The following GLIS3 variants were observed in gnomAD, a reference collection of about 807,000 sequenced individuals.
GLIS3 encodes zinc finger protein GLIS3.
A neutral mutation model predicts 78.6 loss-of-function variants in GLIS3; 53 were observed. The observed-to-expected ratio is 0.67, with a 90% CI of 0.54 to 0.85. The LOEUF (loss-of-function observed/expected upper bound fraction) is 0.85. Among genes scored for constraint, GLIS3 ranks in the 40% least tolerant of loss-of-function variants. The pLI is 0.00. For missense variants in GLIS3, 1,703 were observed against 1,231.1 expected (o/e 1.38, Z -5.74); for synonymous variants, 684 against 509.9 (o/e 1.34, Z -4.60).
intron 9 of GLIS3, among the ~76,000 whole-genome samples, chr9:3,851,422 T>G (rs1819425596): frequency 6.6e-6 from 1 of 151,512 alleles, no homozygotes; most frequent in African/African-American, 2.4e-5. Flanking sequence ...ACTACCAAGA[T>G]TCAAACATTA....
chr9:4,097,609 C>T (rs921916046), intron 4 of GLIS3, among the ~76,000 whole-genome samples: 4 of 152,144 alleles, frequency 2.6e-5, no homozygotes, highest in Non-Finnish European at 5.9e-5. Flanking sequence ...TTACCAGCTT[C>T]GCATACTGAC....
intron 4 of GLIS3, among the ~76,000 whole-genome samples, chr9:3,985,852 A>G (rs774922783): frequency 6.6e-6 from 1 of 152,212 alleles, no homozygotes; most frequent in Non-Finnish European, 1.5e-5. Context: ...TACTTTTGTA[A>G]AAGTTACTTT....
intron 9 of GLIS3, among the ~76,000 whole-genome samples, chr9:3,836,750 C>T (rs921587666): frequency 6.6e-6 from 1 of 152,168 alleles, no homozygotes; most frequent in Non-Finnish European, 1.5e-5. Context: ...GACAGCCACA[C>T]CAGGGTTGCT....
chr9:4,324,701 G>T (rs893174504), intron 2 of GLIS3, among the ~76,000 whole-genome samples: 1 of 152,142 alleles, frequency 6.6e-6, no homozygotes, highest in South Asian at 2.1e-4. Context: ...GCAAGGAAGC[G>T]GGAAGCCTGC....
intron 4 of GLIS3, among the ~76,000 whole-genome samples, chr9:3,986,901 G>A (rs1382192507): frequency 2.6e-5 from 4 of 152,324 alleles, no homozygotes; most frequent in Admixed American, 6.5e-5. Context: ...TATGAAATGT[G>A]CAGGATATAA....
intron 4 of GLIS3, among the ~76,000 whole-genome samples, chr9:3,989,964 T>G (rs1330424902): frequency 6.6e-6 from 1 of 152,232 alleles, no homozygotes; most frequent in Non-Finnish European, 1.5e-5. Context: ...TGCAGAGTTT[T>G]GCAAAATACT....
At chr9:4,142,636 C>T (rs760217010) in intron 2 of GLIS3, among the ~76,000 whole-genome samples, 20 of 152,112 alleles carry the variant, frequency 1.3e-4, no homozygotes, top group Non-Finnish European at 2.5e-4. Flanking sequence ...GAAACAAATC[C>T]AGTTTGAAAT....
chr9:4,235,693 G>A (rs1309018278), intron 2 of GLIS3, among the ~76,000 whole-genome samples: 3 of 151,990 alleles, frequency 2.0e-5, no homozygotes, highest in Middle Eastern at 6.8e-3. Flanking sequence ...CTCCATCGGG[G>A]CACTGAAGTA....
the GLIS3 span, among the ~76,000 whole-genome samples, chr9:4,407,289 A>T: frequency 6.6e-6 from 1 of 152,238 alleles, no homozygotes; most frequent in Non-Finnish European, 1.5e-5. Context: ...TACAAAAATC[A>T]AATCAAAATA....
chr9:3,946,029 A>G (rs1205816248), intron 4 of GLIS3, among the ~76,000 whole-genome samples: 2 of 152,172 alleles, frequency 1.3e-5, no homozygotes, highest in African/African-American at 2.4e-5. Flanking sequence ...TCACCTTTGC[A>G]TATACTACTT....
intron 4 of GLIS3, among the ~76,000 whole-genome samples, chr9:3,974,715 T>C (rs1818638015): frequency 6.6e-6 from 1 of 152,116 alleles, no homozygotes; most frequent in Non-Finnish European, 1.5e-5. Flanking sequence ...AGACTATGAA[T>C]TGCAGCTGAG....
intron 2 of GLIS3, among the ~76,000 whole-genome samples, chr9:4,203,323 A>G (rs1255315417): frequency 1.3e-5 from 2 of 152,200 alleles, no homozygotes; most frequent in African/African-American, 4.8e-5. Flanking sequence ...TGAAAAAAAA[A>G]TCAACAGATG....
intron 4 of GLIS3, among the ~76,000 whole-genome samples, chr9:4,078,754 C>G (rs1444332954): frequency 7.9e-5 from 12 of 152,178 alleles, no homozygotes; most frequent in African/African-American, 2.9e-4. Context: ...TCTGCCCTAG[C>G]TTAAAGTTTG....
intron 8 of GLIS3, among the ~76,000 whole-genome samples, chr9:3,859,392 CACACACACAT>C (rs1377407351): frequency 6.3e-5 from 4 of 63,818 alleles, no homozygotes; most frequent in Admixed American, 4.8e-4. Context: ...CACACACACA[CACACACACAT>C]CAAAATGAAT....
At chr9:4,002,111 A>T (rs1335874570) in intron 4 of GLIS3, among the ~76,000 whole-genome samples, 1 of 152,234 alleles carries the variant, frequency 6.6e-6, no homozygotes, top group Non-Finnish European at 1.5e-5. Flanking sequence ...GGTGAGCCCA[A>T]TTCAACCACA....
At chr9:4,111,998 T>A (rs926132237) in intron 4 of GLIS3, among the ~76,000 whole-genome samples, 1 of 152,218 alleles carries the variant, frequency 6.6e-6, no homozygotes, top group African/African-American at 2.4e-5. Context: ...CAAAAGTGTT[T>A]TGAAGATCAT....
chr9:4,169,414 G>A (rs896932241), intron 2 of GLIS3, among the ~76,000 whole-genome samples: 1 of 152,192 alleles, frequency 6.6e-6, no homozygotes, highest in Non-Finnish European at 1.5e-5. Flanking sequence ...TAATGAGGCA[G>A]AAAGAACACA....
chr9:4,372,854 T>C, the GLIS3 span, among the ~76,000 whole-genome samples: 1 of 152,194 alleles, frequency 6.6e-6, no homozygotes, highest in Non-Finnish European at 1.5e-5. Context: ...TTGGCAGGTA[T>C]TACCCTAAGC....
At chr9:4,037,706 G>T (rs997273664) in intron 4 of GLIS3, among the ~76,000 whole-genome samples, 2 of 152,062 alleles carry the variant, frequency 1.3e-5, no homozygotes, top group African/African-American at 4.8e-5. Context: ...CAACAGACTC[G>T]GAGTCACCAT....
Sources: gnomAD v4.1 joint callset for allele counts (sites outside exome capture counted in the v4.1 genomes callset) on GRCh38, gnomAD v4.1.1 for gene constraint, MANE v1.5 for transcripts, NCBI Gene and HGNC (gene_info 2026-07-23, HGNC 2026-07-21) for gene names.